The following RASGRF2 variants were observed in gnomAD, a reference collection of about 807,000 sequenced individuals.
RASGRF2 encodes the protein ras-specific guanine nucleotide-releasing factor 2.
In RASGRF2, 76 loss-of-function variants were observed where a neutral mutation model predicts 151.0. The ratio of observed to expected loss-of-function variants is 0.50; its 90% CI spans 0.42 to 0.61. The LOEUF is 0.61. RASGRF2 is among the 20% of genes least tolerant of loss of function. The probability of loss-of-function intolerance (pLI) is 0.00; values close to 1 mark genes in which losing one functional copy is unlikely to be tolerated. For synonymous variants in RASGRF2, 504 were observed against 566.5 expected (o/e 0.89, Z 1.57); for missense variants, 1,148 against 1,564.6 (o/e 0.73, Z 4.49).
At chr5:81,130,508 T>C (rs1753588130) in intron 17 of RASGRF2, among the ~76,000 whole-genome samples, 1 of 152,030 alleles carries the variant, frequency 6.6e-6, no homozygotes, top group South Asian at 2.1e-4. Context: ...TTCACCTGCC[T>C]GGGAGAACTA....
intron 21 of RASGRF2, among the ~76,000 whole-genome samples, chr5:81,208,042 C>A (rs547093238): frequency 6.6e-6 from 1 of 152,340 alleles, no homozygotes; most frequent in South Asian, 2.1e-4. Flanking sequence ...TAGTACTTAA[C>A]CTCTTTATTT....
intron 17 of RASGRF2, among the ~76,000 whole-genome samples, chr5:81,163,324 G>A (rs1448766631): frequency 6.6e-5 from 10 of 152,008 alleles, no homozygotes; most frequent in African/African-American, 9.7e-5. Flanking sequence ...GAGCCCTCAC[G>A]CCCCAAAGTA....
chr5:81,074,806 G>A lies in RASGRF2; in HGVS notation c.887+1354G>A, dbSNP rs150205054. The stretch of plus-strand genomic sequence containing the variant: ...GAGCAAAGGCTTGAAGTTCCTGGAG[G>A]AAGAGTGAGGCAAGCAGAGGGAGCT... On this transcript the variant is annotated intron_variant, in intron 5 of 26. Transcript: ENST00000265080. 4.7e-4 allele frequency among the ~76,000 whole-genome samples: 71 copies of A among 152,268 alleles called. 1 individual carries two copies. The highest frequency in any genetic ancestry group is 3.1e-3 in the East Asian group (16 of 5,180).
chr5:80,995,735 C>G (rs1404562285), intron 1 of RASGRF2, among the ~76,000 whole-genome samples: 4 of 135,382 alleles, frequency 3.0e-5, no homozygotes, highest in Admixed American at 2.5e-4. Flanking sequence ...GTCTGTCGCC[C>G]AGGCTGGAGT....
At chr5:80,961,144 T>C in intron 1 of RASGRF2, 118 bp downstream of exon 1, 1 of 1,166,642 alleles carries the variant, frequency 8.6e-7, no homozygotes, top group Non-Finnish European at 1.1e-6. Flanking sequence ...TGCTCCGAAA[T>C]CCCCCCGCGT....
intron 19 of RASGRF2, 61 bp downstream of exon 19, chr5:81,201,503 AAATAAGAG>A: frequency 2.0e-6 from 3 of 1,520,168 alleles, no homozygotes; most frequent in Non-Finnish European, 2.7e-6. Context: ...TGTTCATAGA[AAATAAGAG>A]CCAATAAATC....
At chr5:81,008,989 G>T (rs1313766211) in intron 1 of RASGRF2, among the ~76,000 whole-genome samples, 1 of 152,134 alleles carries the variant, frequency 6.6e-6, no homozygotes, top group Non-Finnish European at 1.5e-5. Flanking sequence ...TCATGATCTG[G>T]TTGGCTTTGC....
At chr5:80,981,437 A>C (rs752969966) in intron 1 of RASGRF2, among the ~76,000 whole-genome samples, 11 of 152,158 alleles carry the variant, frequency 7.2e-5, no homozygotes, top group Non-Finnish European at 1.3e-4. Flanking sequence ...CTGAGAGGCA[A>C]TGAGGCTTTC....
Position 81,225,807 on chromosome 5 carries a change from T to C in RASGRF2, c.*37T>C, listed in dbSNP as rs766387692. The C allele has an allele frequency of 1.2e-6, 2 of 1,601,948 alleles. No individual in the cohort carries two copies. The highest frequency in any genetic ancestry group is 2.3e-5 in the South Asian group (2 of 88,848). On this transcript the variant is annotated 3_prime_UTR_variant, in exon 27 of 27. Coordinates refer to ENST00000265080, the MANE Select transcript of RASGRF2 (RefSeq NM_006909.3). ...TGCCCCTGAGTCCACGGGATGTTCA[T>C]GGAAAGCAGGACAGACAGAATTGTG...
chr5:81,229,883 T>TACCC lies in RASGRF2; in HGVS notation c.*4113_*4114insACCC, dbSNP rs1756075771. The TACCC allele has an allele frequency of 6.6e-6, 1 of 152,252 alleles. No individual in the cohort carries two copies. Among genetic ancestry groups the TACCC allele is most frequent in the Admixed American group, 6.5e-5 (1 of 15,286 alleles). 9.4% of individuals were successfully genotyped at this position (152,252 alleles called of 1,614,324 possible). A position where few individuals can be genotyped will look rare whatever the true frequency, so the allele number is the denominator to read the frequency against. Reference sequence around the variant, plus strand: ...ATTGTGAGGACCAAATGGATTAGACTGTAAACTGCAAAGTGCTGTCCGCAC... The same window carrying TACCC: ...ATTGTGAGGACCAAATGGATTAGACTACCCGTAAACTGCAAAGTGCTGTCCGCAC... On this transcript the variant is annotated 3_prime_UTR_variant, in exon 27 of 27. Coordinates refer to ENST00000265080, the MANE Select transcript of RASGRF2 (RefSeq NM_006909.3).
At chr5:81,108,372 T>C (rs1394296695) in intron 12 of RASGRF2, among the ~76,000 whole-genome samples, 2 of 152,204 alleles carry the variant, frequency 1.3e-5, no homozygotes, top group African/African-American at 4.8e-5. Context: ...GAGAAAAAGA[T>C]GATACAAGGC....
chr5:81,059,041 C>T (rs887998038), intron 2 of RASGRF2, among the ~76,000 whole-genome samples: 1 of 152,050 alleles, frequency 6.6e-6, no homozygotes, highest in African/African-American at 2.4e-5. Flanking sequence ...TCTTGTGCTC[C>T]ACCCCTACCC....
chr5:81,017,471 A>C (rs1406694838), intron 1 of RASGRF2, among the ~76,000 whole-genome samples: 1 of 152,232 alleles, frequency 6.6e-6, no homozygotes, highest in Non-Finnish European at 1.5e-5. Context: ...AAATGTGCCC[A>C]TGGCAAGGCC....
chr5:81,196,398 T>G (rs1580397549), intron 18 of RASGRF2, among the ~76,000 whole-genome samples: 1 of 152,264 alleles, frequency 6.6e-6, no homozygotes, highest in East Asian at 1.9e-4. Flanking sequence ...TGCTTTGCAT[T>G]ATATCAGAGT....
chr5:81,072,535 A>G (rs1302229312), intron 4 of RASGRF2, among the ~76,000 whole-genome samples: 1 of 152,248 alleles, frequency 6.6e-6, no homozygotes, highest in African/African-American at 2.4e-5. Flanking sequence ...TGAATCTGCC[A>G]CATCTAAAGT....
intron 1 of RASGRF2, among the ~76,000 whole-genome samples, chr5:80,974,784 A>G (rs1212876236): frequency 1.3e-5 from 2 of 152,172 alleles, no homozygotes; most frequent in Non-Finnish European, 2.9e-5. Flanking sequence ...CAGCAAACTA[A>G]TAGTTGCCTG....
intron 8 of RASGRF2, 93 bp from the exon 9 acceptor site, chr5:81,086,742 C>A: frequency 9.8e-7 from 1 of 1,020,964 alleles, no homozygotes; most frequent in Non-Finnish European, 1.5e-6. Flanking sequence ...TACAAGCTTG[C>A]AACCGAGCTT....
intron 1 of RASGRF2, among the ~76,000 whole-genome samples, chr5:81,013,222 T>C (rs1749526184): frequency 2.6e-5 from 4 of 152,238 alleles, no homozygotes; most frequent in Admixed American, 2.6e-4. Flanking sequence ...TTTTCAGTCT[T>C]CCAGCTCTTG....
chr5:81,212,533 G>T lies in RASGRF2; in HGVS notation c.3324G>T (p.Leu1108=). ...SALNRSAIYR[L]KKTWAKVSKQ... ...TAAACAGAAGTGCCATCTACAGGCTGAAGAAAACCTGGGCCAAGGTCTCTA... is the reference window on the plus strand; with the variant it reads ...TAAACAGAAGTGCCATCTACAGGCTTAAGAAAACCTGGGCCAAGGTCTCTA... The change falls in exon 23 of 27, where the codon CTG becomes CTT. Residue 1108 remains leucine, a synonymous_variant. Transcript: ENST00000265080. The T allele has an allele frequency of 1.2e-6, 2 of 1,612,386 alleles. No homozygotes were observed. Among genetic ancestry groups the T allele is most frequent in the Middle Eastern group, 3.3e-4 (2 of 6,056 alleles).
Sources: allele counts gnomAD v4.1 joint callset (sites outside exome capture counted in the v4.1 genomes callset), GRCh38; gene constraint gnomAD v4.1.1; transcripts MANE v1.5; gene names NCBI Gene and HGNC (gene_info 2026-07-23, HGNC 2026-07-21).